The following PRMT3 variants were observed in gnomAD, a reference collection of about 807,000 sequenced individuals.
PRMT3 encodes protein arginine N-methyltransferase 3.
A neutral mutation model predicts 71.9 loss-of-function variants in PRMT3; 62 were observed. The observed-to-expected ratio is 0.86, with a 90% CI of 0.70 to 1.07. The LOEUF (loss-of-function observed/expected upper bound fraction) is 1.07. Among genes scored for constraint, PRMT3 ranks in the 50% least tolerant of loss-of-function variants. The probability of loss-of-function intolerance (pLI) is 0.00; values close to 1 mark genes in which losing one functional copy is unlikely to be tolerated. For missense variants in PRMT3, 663 were observed against 643.0 expected, an observed-to-expected ratio of 1.03 and a Z score of -0.34; for synonymous variants, 213 against 220.4, an observed-to-expected ratio of 0.97 and a Z score of 0.30.
At chr11:20,406,061 A>G (rs962177656) in intron 8 of PRMT3, 2 of 152,202 alleles carry the variant, frequency 1.3e-5, no homozygotes, top group South Asian at 2.1e-4. Context: ...ATCTTACAGT[A>G]CAGTCGTTCC....
At chr11:20,479,259 C>T (rs549373547) in intron 13 of PRMT3, among the ~76,000 whole-genome samples, 20 of 152,170 alleles carry the variant, frequency 1.3e-4, no homozygotes, top group African/African-American at 4.3e-4. Flanking sequence ...TAAATCTCTT[C>T]GTTTATTCTC....
chr11:20,494,490 C>T lies in PRMT3; in HGVS notation c.1486+236C>T, dbSNP rs111991175. On this transcript the variant is annotated intron_variant, in intron 15 of 15. Transcript: ENST00000331079. ...TTGGGATTACAGGCACACACCACCA[C>T]ACCCAGCTAATGTTTGTATTTTTAG... Among the ~76,000 whole-genome samples, 857 of 152,228 alleles carry T rather than the reference C, an allele frequency of 5.6e-3. 10 individuals carry two copies. The highest frequency in any genetic ancestry group is 0.02 in the African/African-American group (813 of 41,534).
chr11:20,406,741 G>T (rs1412885924), intron 8 of PRMT3: 1 of 152,066 alleles, frequency 6.6e-6, no homozygotes, highest in Non-Finnish European at 1.5e-5. Context: ...TTCACAGTGG[G>T]TGTACCATTT....
At chr11:20,474,011 A>T (rs150286509) in intron 13 of PRMT3, among the ~76,000 whole-genome samples, 162 of 152,230 alleles carry the variant, frequency 1.1e-3, no homozygotes, top group Non-Finnish European at 1.9e-3. Flanking sequence ...ACAGGGTATG[A>T]CCAGTGAAGG....
rs2133416647 is a variant in PRMT3 at position 20,471,513 on chromosome 11, G to C, written c.1347+6967G>C. On this transcript the variant is annotated intron_variant, in intron 13 of 15. Transcript: ENST00000331079. Reference sequence around the variant, plus strand: ...TTTTTGTCAGGTTTTTTGAAGATCAGTTGATTGAAGGTGTGAAGTCTTATT... The same window carrying C: ...TTTTTGTCAGGTTTTTTGAAGATCACTTGATTGAAGGTGTGAAGTCTTATT... Among the ~76,000 whole-genome samples, 3 of 152,182 alleles carry C rather than the reference G, an allele frequency of 2.0e-5. No homozygotes were observed. In the South Asian group the frequency reaches 6.2e-4, roughly 32 times the overall value.
At chr11:20,442,007 G>C (rs1446869247) in intron 10 of PRMT3, among the ~76,000 whole-genome samples, 1 of 152,028 alleles carries the variant, frequency 6.6e-6, no homozygotes, top group African/African-American at 2.4e-5. Flanking sequence ...TGGCGGGGCT[G>C]GTCTTGAACT....
At position 20,508,624 on chromosome 11, in the gene PRMT3, ATT is replaced by A; in HGVS notation, c.*214_*215del. On this transcript the variant is annotated 3_prime_UTR_variant, in exon 16 of 16. Coordinates refer to ENST00000331079, the MANE Select transcript of PRMT3 (RefSeq NM_005788.4). ...GATCCTCATGGTCTGCCACGTAATC[ATT>A]TTCTTAGACGTTTGCTCCACCAGAT... is the stretch of plus-strand genomic sequence containing the variant. 2 of 665,996 alleles carry A rather than the reference ATT, an allele frequency of 3.0e-6. No homozygotes were observed. Among genetic ancestry groups the A allele is most frequent in the Non-Finnish European group, 5.5e-6 (2 of 361,840 alleles). 41.3% of individuals were successfully genotyped at this position (665,996 alleles called of 1,614,324 possible).
intron 3 of PRMT3, among the ~76,000 whole-genome samples, chr11:20,390,245 T>G (rs1284908804): frequency 1.3e-5 from 2 of 152,140 alleles, no homozygotes; most frequent in Non-Finnish European, 2.9e-5. Context: ...CACAGCAACA[T>G]CTTGTGGAAA....
intron 5 of PRMT3, among the ~76,000 whole-genome samples, chr11:20,395,426 C>T (rs1161644609): frequency 6.6e-6 from 1 of 152,020 alleles, no homozygotes; most frequent in Non-Finnish European, 1.5e-5. Context: ...TCACTGCAAC[C>T]TCCGCTTCCG....
chr11:20,394,226 A>G (rs1848776884), intron 5 of PRMT3, among the ~76,000 whole-genome samples: 5 of 152,350 alleles, frequency 3.3e-5, no homozygotes, highest in South Asian at 4.1e-4. Context: ...GTTGATCCGA[A>G]AGTTAGATCA....
chr11:20,461,937 A>G, intron 11 of PRMT3, 43 bp from the exon 12 acceptor site: 3 of 1,428,780 alleles, frequency 2.1e-6, no homozygotes, highest in Non-Finnish European at 9.4e-7. Flanking sequence ...TTCCATAAGA[A>G]AGGGAGATAA....
intron 11 of PRMT3, 143 bp downstream of exon 11, chr11:20,452,351 A>G (rs1850169571): frequency 1.6e-6 from 1 of 623,360 alleles, no homozygotes; most frequent in African/African-American, 1.8e-5. Flanking sequence ...GCTTTAAGAC[A>G]TTTGTTTACT....
In PRMT3 at chr11:20,409,654, AACACACACACAC is replaced by A. The variant is rs60686099; in HGVS notation, c.893+1649_893+1660del. On this transcript the variant is annotated intron_variant, in intron 9 of 15. Coordinates refer to ENST00000331079, the MANE Select transcript of PRMT3 (RefSeq NM_005788.4). ...TGCGATTTTTGTATTGGAATACACA[AACACACACACAC>A]ACACACACACACACACACACACACA... Among the ~76,000 whole-genome samples, 61 of 144,328 alleles carry A rather than the reference AACACACACACAC, an allele frequency of 4.2e-4. 1 individual carries two copies. The highest frequency in any genetic ancestry group is 7.1e-4 in the Non-Finnish European group (47 of 66,320). 94.7% of individuals were successfully genotyped at this position (144,328 alleles called of 152,430 possible).
chr11:20,412,768 G>A (rs1443950128), intron 9 of PRMT3, among the ~76,000 whole-genome samples: 1 of 152,060 alleles, frequency 6.6e-6, no homozygotes. Context: ...CTCCTTTGGT[G>A]CAGGTGTAAC....
At chr11:20,463,209 A>C (rs1280662283) in intron 12 of PRMT3, among the ~76,000 whole-genome samples, 1 of 152,248 alleles carries the variant, frequency 6.6e-6, no homozygotes, top group African/African-American at 2.4e-5. Context: ...TATTTAGTAC[A>C]TATTTAATTT....
intron 11 of PRMT3, among the ~76,000 whole-genome samples, chr11:20,454,913 T>C (rs1850234097): frequency 1.3e-5 from 2 of 152,084 alleles, no homozygotes; most frequent in Non-Finnish European, 2.9e-5. Context: ...GGGATGTTCA[T>C]CTACCCCATT....
chr11:20,406,013 C>T (rs1849061942), intron 8 of PRMT3: 1 of 152,162 alleles, frequency 6.6e-6, no homozygotes, highest in Non-Finnish European at 1.5e-5. Flanking sequence ...CTTTCTGTCT[C>T]TATGATTTTG....
intron 9 of PRMT3, among the ~76,000 whole-genome samples, chr11:20,426,346 C>T (rs1480861306): frequency 6.6e-6 from 1 of 152,142 alleles, no homozygotes; most frequent in Non-Finnish European, 1.5e-5. Context: ...CTGACAAATG[C>T]TAGAGAATCT....
intron 9 of PRMT3, among the ~76,000 whole-genome samples, chr11:20,417,486 C>T (rs562211714): frequency 6.6e-6 from 1 of 152,194 alleles, no homozygotes; most frequent in Admixed American, 6.5e-5. Flanking sequence ...GTACTTTATG[C>T]TGTTTGCTTG....
Sources: gnomAD v4.1 joint callset for allele counts (sites outside exome capture counted in the v4.1 genomes callset) on GRCh38, gnomAD v4.1.1 for gene constraint, MANE v1.5 for transcripts, NCBI Gene and HGNC (gene_info 2026-07-23, HGNC 2026-07-21) for gene names.